The following CACNB2 variants were observed in gnomAD, a reference collection of about 807,000 sequenced individuals.
CACNB2 encodes calcium voltage-gated channel auxiliary subunit beta 2.
Under a neutral mutation model 73.3 loss-of-function variants are expected in CACNB2, and 42 were observed. The ratio of observed to expected loss-of-function variants is 0.57; its 90% CI spans 0.45 to 0.74. The LOEUF is 0.74. Ranked by LOEUF, CACNB2 falls within the 30% of genes least tolerant of loss-of-function variation. CACNB2 has a pLI of 0.00. For synonymous variants in CACNB2, 348 were observed against 310.3 expected (o/e 1.12, Z -1.28); for missense variants, 940 against 853.0 (o/e 1.10, Z -1.27).
chr10:18,228,327 G>T (rs1403677824), intron 2 of CACNB2, among the ~76,000 whole-genome samples: 1 of 150,060 alleles, frequency 6.7e-6, no homozygotes, highest in African/African-American at 2.4e-5. Context: ...CTACTTGGGA[G>T]GCTGAGGCAG....
At chr10:18,432,632 C>T (rs1201319177) in intron 3 of CACNB2, among the ~76,000 whole-genome samples, 4 of 152,188 alleles carry the variant, frequency 2.6e-5, no homozygotes, top group Non-Finnish European at 5.9e-5. Flanking sequence ...TCAGGAGTTC[C>T]AGACCAGCCT....
chr10:18,457,353 G>A (rs915101885), intron 3 of CACNB2, among the ~76,000 whole-genome samples: 6 of 152,004 alleles, frequency 3.9e-5, no homozygotes, highest in South Asian at 2.1e-4. Flanking sequence ...GCCTCCCAAA[G>A]TGCTGGAATT....
chr10:18,229,846 G>A (rs577627829), intron 2 of CACNB2, among the ~76,000 whole-genome samples: 41 of 152,166 alleles, frequency 2.7e-4, no homozygotes, highest in Non-Finnish European at 5.0e-4. Context: ...TTCAAATTAA[G>A]ATGTACTACG....
At chr10:18,180,985 A>G (rs1161028384) in intron 2 of CACNB2, among the ~76,000 whole-genome samples, 1 of 151,800 alleles carries the variant, frequency 6.6e-6, no homozygotes, top group Admixed American at 6.6e-5. Flanking sequence ...AACAAAACAA[A>G]ACAAAAAAAG....
chr10:18,150,855 C>CTTTTTTGTT, intron 1 of CACNB2, 28 bp from the exon 2 acceptor site: 8 of 483,392 alleles, frequency 1.7e-5, no homozygotes, highest in African/African-American at 4.5e-5. Context: ...TCTTATTTGT[C>CTTTTTTGTT]TTTTTTTTTT....
At chr10:18,395,441 C>T (rs1346446796) in intron 2 of CACNB2, among the ~76,000 whole-genome samples, 1 of 151,726 alleles carries the variant, frequency 6.6e-6, no homozygotes, top group Admixed American at 6.6e-5. Flanking sequence ...TTTTCTGGTG[C>T]CTTTTAAAAA....
intron 2 of CACNB2, among the ~76,000 whole-genome samples, chr10:18,187,835 G>T (rs889773224): frequency 3.3e-5 from 5 of 152,158 alleles, no homozygotes; most frequent in Non-Finnish European, 5.9e-5. Flanking sequence ...CTCTTGTGAA[G>T]GATGCAAAAA....
chr10:18,169,833 C>T (rs2033108224), intron 2 of CACNB2, among the ~76,000 whole-genome samples: 1 of 152,152 alleles, frequency 6.6e-6, no homozygotes, highest in Admixed American at 6.6e-5. Flanking sequence ...TGCAGGAGAC[C>T]ACAAACATGA....
At chr10:18,398,171 C>T (rs964075426) in intron 2 of CACNB2, among the ~76,000 whole-genome samples, 1 of 152,180 alleles carries the variant, frequency 6.6e-6, no homozygotes, top group Non-Finnish European at 1.5e-5. Context: ...TATATCACTT[C>T]TAACTGAATA....
At chr10:18,228,849 C>T (rs1317038272) in intron 2 of CACNB2, among the ~76,000 whole-genome samples, 1 of 152,168 alleles carries the variant, frequency 6.6e-6, no homozygotes, top group Admixed American at 6.5e-5. Context: ...AAGGATTCTC[C>T]TGCCTCAGCC....
intron 2 of CACNB2, among the ~76,000 whole-genome samples, chr10:18,371,489 G>A (rs1304627332): frequency 6.6e-6 from 1 of 152,150 alleles, no homozygotes; most frequent in Non-Finnish European, 1.5e-5. Flanking sequence ...ATAGTTTGCT[G>A]AGAATGATGG....
chr10:18,291,159 G>A (rs905617813), intron 2 of CACNB2, among the ~76,000 whole-genome samples: 2 of 152,208 alleles, frequency 1.3e-5, no homozygotes, highest in Non-Finnish European at 2.9e-5. Flanking sequence ...TTGTACCTGA[G>A]ACTATGTATT....
In CACNB2 at chr10:18,403,373, T is replaced by C. The variant is rs143972556; in HGVS notation, c.333+1330T>C. Reference sequence around the variant, plus strand: ...AGTTAATATAGGTTGCAGCTGAGAGTCTGAATTCTATATTCTATATTTTGC... The same window carrying C: ...AGTTAATATAGGTTGCAGCTGAGAGCCTGAATTCTATATTCTATATTTTGC... On this transcript the variant is annotated intron_variant, in intron 3 of 13. Coordinates refer to ENST00000324631, the MANE Select transcript of CACNB2 (RefSeq NM_201596.3). Among the ~76,000 whole-genome samples the C allele has an allele frequency of 4.0e-3, 614 of 152,298 alleles. 3 individuals carry two copies. The highest frequency in any genetic ancestry group is 6.8e-3 in the Non-Finnish European group (466 of 68,032).
At chr10:18,461,055 G>A (rs531438043) in intron 3 of CACNB2, among the ~76,000 whole-genome samples, 1 of 152,014 alleles carries the variant, frequency 6.6e-6, no homozygotes, top group African/African-American at 2.4e-5. Context: ...TCAGCCTCCC[G>A]AGTAGCTGGG....
intron 7 of CACNB2, chr10:18,515,041 T>C: frequency 6.2e-7 from 1 of 1,611,734 alleles, no homozygotes; most frequent in Non-Finnish European, 8.5e-7. Context: ...GGCGGTTTAC[T>C]GTGAGTTTTT....
At chr10:18,166,796 A>C (rs1335077279) in intron 2 of CACNB2, among the ~76,000 whole-genome samples, 1 of 152,176 alleles carries the variant, frequency 6.6e-6, no homozygotes. Flanking sequence ...CTAATGCTAA[A>C]TGACGAGTTA....
chr10:18,348,260 T>C (rs1240085687), intron 2 of CACNB2, among the ~76,000 whole-genome samples: 1 of 152,222 alleles, frequency 6.6e-6, no homozygotes, highest in African/African-American at 2.4e-5. Context: ...GGGTAAAAGA[T>C]CAGTTGAAAA....
intron 2 of CACNB2, among the ~76,000 whole-genome samples, chr10:18,220,110 A>AATATATATATAT (rs1165921150): frequency 3.1e-5 from 1 of 32,758 alleles, no homozygotes; most frequent in African/African-American, 1.4e-4. Context: ...TTTATTTTTT[A>AATATATATATAT]ATATATATAT....
intron 3 of CACNB2, among the ~76,000 whole-genome samples, chr10:18,482,158 G>C (rs1031493105): frequency 6.6e-6 from 1 of 151,988 alleles, no homozygotes; most frequent in Non-Finnish European, 1.5e-5. Context: ...CCAAACTGTT[G>C]GGAATACAAG....
Sources: allele counts gnomAD v4.1 joint callset (sites outside exome capture counted in the v4.1 genomes callset), GRCh38; gene constraint gnomAD v4.1.1; transcripts MANE v1.5; gene names NCBI Gene and HGNC (gene_info 2026-07-23, HGNC 2026-07-21).